The following PCDHA2 variants were observed in gnomAD, a reference collection of about 807,000 sequenced individuals.
The protein encoded by PCDHA2 is protocadherin alpha 2.
A neutral mutation model predicts 66.0 loss-of-function variants in PCDHA2; 58 were observed. The observed-to-expected ratio is 0.88, with a 90% CI of 0.71 to 1.09. The LOEUF is 1.09. Among genes scored for constraint, PCDHA2 ranks in the 50% least tolerant of loss-of-function variants. PCDHA2 has a pLI of 0.00. For missense variants in PCDHA2, 1,267 were observed against 1,242.3 expected (o/e 1.02, Z -0.30); for synonymous variants, 634 against 554.0 (o/e 1.14, Z -2.03).
chr5:140,995,466 T>A (rs1325738929), intron 3 of PCDHA2, among the ~76,000 whole-genome samples: 1 of 152,196 alleles, frequency 6.6e-6, no homozygotes, highest in Non-Finnish European at 1.5e-5. Flanking sequence ...ATTTTTGAAA[T>A]TTTTCATTTA....
At chr5:140,875,518 C>T in intron 1 of PCDHA2, 1 of 1,614,008 alleles carries the variant, frequency 6.2e-7, no homozygotes, top group Non-Finnish European at 8.5e-7. Flanking sequence ...GCGTCTGCTG[C>T]TCTCGCTTCT....
chr5:140,824,401 T>A (rs1459968024), intron 1 of PCDHA2: 3 of 544,498 alleles, frequency 5.5e-6, no homozygotes, highest in Non-Finnish European at 9.7e-6. Context: ...GGATAATAAT[T>A]GTAAGACATA....
At chr5:140,807,858 G>T in intron 1 of PCDHA2, 1 of 1,614,144 alleles carries the variant, frequency 6.2e-7, no homozygotes, top group Non-Finnish European at 8.5e-7. Flanking sequence ...GAGTTGACTG[G>T]CACCGTTCAG....
chr5:140,953,034 C>T (rs1337571700), intron 1 of PCDHA2, among the ~76,000 whole-genome samples: 1 of 152,168 alleles, frequency 6.6e-6, no homozygotes, highest in Non-Finnish European at 1.5e-5. Context: ...GGGAAATCCA[C>T]CCCCATGATC....
chr5:140,926,656 T>C (rs1372034097), intron 1 of PCDHA2: 1 of 513,300 alleles, frequency 1.9e-6, no homozygotes, highest in Non-Finnish European at 3.1e-6. Flanking sequence ...CGGCTCCGCT[T>C]TCCCAGACGG....
chr5:140,876,498 C>T, intron 1 of PCDHA2: 4 of 1,613,918 alleles, frequency 2.5e-6, no homozygotes, highest in Non-Finnish European at 2.5e-6. Flanking sequence ...AAGTTCTGGA[C>T]GTGAATGACA....
At chr5:140,807,715 A>G in intron 1 of PCDHA2, 1 of 1,614,204 alleles carries the variant, frequency 6.2e-7, no homozygotes, top group African/African-American at 1.3e-5. Context: ...GCCCAAATGA[A>G]TACTTTTCTC....
At chr5:140,823,458 G>T (rs1767715131) in intron 1 of PCDHA2, 1 of 1,613,278 alleles carries the variant, frequency 6.2e-7, no homozygotes, top group African/African-American at 1.3e-5. Flanking sequence ...ACGACAACGC[G>T]CCGGCGCTGC....
In PCDHA2 at chr5:140,966,446, C is replaced by T. The variant is rs2096003680; in HGVS notation, c.2389-12503C>T. Reference sequence around the variant, plus strand: ...CTGAGCCCTCCTACCGCTCCCTTTCCCCCTCCCCCTCTGTCTTCCCTTCTG... The same window carrying T: ...CTGAGCCCTCCTACCGCTCCCTTTCTCCCTCCCCCTCTGTCTTCCCTTCTG... On this transcript the variant is annotated intron_variant, in intron 1 of 3. Transcript: ENST00000526136. 7 of 424,490 alleles carry T rather than the reference C, an allele frequency of 1.6e-5. No homozygotes were observed. The East Asian group carries it at 2.5e-4, about 15-fold the overall frequency. 26.3% of individuals were successfully genotyped at this position (424,490 alleles called of 1,614,324 possible).
intron 1 of PCDHA2, among the ~76,000 whole-genome samples, chr5:140,961,680 C>T (rs989401730): frequency 3.3e-5 from 5 of 152,040 alleles, no homozygotes; most frequent in African/African-American, 4.8e-5. Flanking sequence ...TTAATTAAGC[C>T]GGAGTAGTCC....
rs782638942 is a variant in PCDHA2, at chr5:140,876,442, G to T, written c.2388+79090G>T. The T allele has an allele frequency of 1.5e-5, 25 of 1,613,894 alleles. 1 individual carries two copies. The South Asian group carries it at 2.7e-4, about 18-fold the overall frequency. The stretch of plus-strand genomic sequence containing the variant: ...CTATGAAATTCAGGTTAACGCCATT[G>T]ATAAAGGGATTCCTTCCATGGCAGG... On this transcript the variant is annotated intron_variant, in intron 1 of 3. Coordinates refer to ENST00000526136, the MANE Select transcript of PCDHA2 (RefSeq NM_018905.3).
rs376462906 is a variant in PCDHA2, at chr5:140,873,767, TCTC to T, written c.2388+76418_2388+76420del. Among the ~76,000 whole-genome samples, 393 of 152,280 alleles carry T rather than the reference TCTC, an allele frequency of 2.6e-3. 1 individual carries two copies. The highest frequency in any genetic ancestry group is 9.2e-3 in the African/African-American group (382 of 41,558). On this transcript the variant is annotated intron_variant, in intron 1 of 3. Transcript: ENST00000526136. ...TCTCCACCTCCCATGTTCAAGCAAT[TCTC>T]CTGCCTCAGCTTTCCGAGAAGCTGG...
chr5:140,972,893 A>T (rs1452751778), intron 1 of PCDHA2, among the ~76,000 whole-genome samples: 1 of 151,858 alleles, frequency 6.6e-6, no homozygotes, highest in African/African-American at 2.4e-5. Context: ...CGATCTCTTG[A>T]CCTTGTGATC....
chr5:140,908,880 A>C (rs1342304863), intron 1 of PCDHA2, among the ~76,000 whole-genome samples: 1 of 152,204 alleles, frequency 6.6e-6, no homozygotes, highest in Non-Finnish European at 1.5e-5. Context: ...TCCAAAATCC[A>C]ATAGTCCCAA....
chr5:140,967,342 C>T (rs149890293), intron 1 of PCDHA2: 40 of 1,607,992 alleles, frequency 2.5e-5, no homozygotes, highest in Non-Finnish European at 3.4e-5. Context: ...CCAGCGAGCA[C>T]TTCGAGCTGG....
At chr5:140,823,944 G>A (rs1767937755) in intron 1 of PCDHA2, 1 of 1,613,944 alleles carries the variant, frequency 6.2e-7, no homozygotes, top group Non-Finnish European at 8.5e-7. Context: ...TGCGGTGCTC[G>A]GCGCAGCCCA....
intron 1 of PCDHA2, chr5:140,807,244 T>C: frequency 6.2e-7 from 1 of 1,614,190 alleles, no homozygotes; most frequent in Non-Finnish European, 8.5e-7. Flanking sequence ...TCTTACTTCT[T>C]CTCCTCGCAG....
chr5:140,844,335 A>G lies in PCDHA2; in HGVS notation c.2388+46983A>G, dbSNP rs1192632609. On this transcript the variant is annotated intron_variant, in intron 1 of 3. Transcript: ENST00000526136. The stretch of plus-strand genomic sequence containing the variant: ...TTCCTAATTTTATTATAAACTAGTT[A>G]AAAAGTAAAATCAAGAGGGAAGAGA... Among the ~76,000 whole-genome samples, 3 of 149,508 alleles carry G rather than the reference A, an allele frequency of 2.0e-5. No individual in the cohort carries two copies. In the South Asian group the frequency reaches 6.4e-4, roughly 32 times the overall value.
intron 3 of PCDHA2, among the ~76,000 whole-genome samples, chr5:141,000,416 TA>T (rs1479552208): frequency 1.6e-3 from 150 of 93,344 alleles, no homozygotes; most frequent in Non-Finnish European, 2.1e-3. Flanking sequence ...TATATATATA[TA>T]TATATTTTTT....
Sources: allele counts gnomAD v4.1 joint callset (sites outside exome capture counted in the v4.1 genomes callset), GRCh38; gene constraint gnomAD v4.1.1; transcripts MANE v1.5; gene names NCBI Gene and HGNC (gene_info 2026-07-23, HGNC 2026-07-21).